Variants in TMEM178B observed in about 807,000 individuals in gnomAD.
TMEM178B encodes transmembrane protein 178B.
TMEM178B carries 5 observed loss-of-function variants against 31.0 expected under a neutral mutation model. That is an observed-to-expected ratio of 0.16 (90% CI 0.08 to 0.34). TMEM178B has a LOEUF of 0.34. TMEM178B is among the 10% of genes least tolerant of loss of function. The pLI is 1.00. For missense variants in TMEM178B, 275 were observed against 400.3 expected (o/e 0.69, Z 2.67); for synonymous variants, 164 against 164.0 (o/e 1.00, Z 0.00).
intron 2 of TMEM178B, among the ~76,000 whole-genome samples, chr7:141,423,520 G>A (rs1223477205): frequency 6.6e-6 from 1 of 152,160 alleles, no homozygotes; most frequent in Non-Finnish European, 1.5e-5. Context: ...TACCATATTA[G>A]ACTCTTCAGC....
intron 1 of TMEM178B, among the ~76,000 whole-genome samples, chr7:141,096,445 G>T (rs1794962024): frequency 6.6e-6 from 1 of 152,216 alleles, no homozygotes; most frequent in Non-Finnish European, 1.5e-5. Context: ...TAGAAGGCAA[G>T]GACTGAAGAT....
rs1272178352 is a variant in TMEM178B at position 141,477,438 on chromosome 7, T to C, written c.*6652T>C. On this transcript the variant is annotated 3_prime_UTR_variant, in exon 4 of 4. Transcript: ENST00000565468. The stretch of plus-strand genomic sequence containing the variant: ...ACACAGGAGGTTTTTTTCTGGTTGT[T>C]TCTCTCACAGTCATCAGTGTCTGCT... 1 of 152,208 alleles carries C rather than the reference T, an allele frequency of 6.6e-6. No individual in the cohort carries two copies. The highest frequency in any genetic ancestry group is 2.4e-5 in the African/African-American group (1 of 41,422). The allele number at this position is 152,208 out of a possible 1,614,324, so 9.4% of individuals were successfully genotyped here.
At chr7:141,168,254 G>A (rs148008815) in intron 1 of TMEM178B, among the ~76,000 whole-genome samples, 48 of 152,160 alleles carry the variant, frequency 3.2e-4, no homozygotes, top group Non-Finnish European at 5.6e-4. Flanking sequence ...TGGTTGGCTC[G>A]TGGCTTCAAG....
intron 3 of TMEM178B, among the ~76,000 whole-genome samples, chr7:141,444,640 A>G (rs1348605652): frequency 6.6e-6 from 1 of 152,224 alleles, no homozygotes; most frequent in African/African-American, 2.4e-5. Flanking sequence ...AAGGGACTTT[A>G]GAGACCAACC....
At chr7:141,306,055 T>C (rs1191154750) in intron 2 of TMEM178B, among the ~76,000 whole-genome samples, 2 of 152,204 alleles carry the variant, frequency 1.3e-5, no homozygotes, top group African/African-American at 4.8e-5. Flanking sequence ...GCATCCGGCA[T>C]GTGCTTTATA....
chr7:141,141,483 T>C (rs79503957), intron 1 of TMEM178B, among the ~76,000 whole-genome samples: 2 of 152,300 alleles, frequency 1.3e-5, no homozygotes, highest in East Asian at 3.9e-4. Flanking sequence ...TTTTTTATTA[T>C]AGTACCCTGA....
chr7:141,074,772 G>A lies in TMEM178B; in HGVS notation c.382+80G>A. On this transcript the variant is annotated intron_variant, in intron 1 of 3. Coordinates refer to ENST00000565468, the MANE Select transcript of TMEM178B (RefSeq NM_001195278.2). This position sits in a 1 kb window ranked among gnomAD's most constrained non-coding sequence, Gnocchi z 5.1. ...CGCAGCCCCTCGCGTCTCCTTCCCA[G>A]GCCACAGGCTATCAGGTCTCTGGGT... 7.0e-7 allele frequency: 1 copy of A among 1,431,944 alleles called. No individual in the cohort carries two copies. The highest frequency in any genetic ancestry group is 9.1e-7 in the Non-Finnish European group (1 of 1,096,852). 88.7% of individuals were successfully genotyped at this position (1,431,944 alleles called of 1,614,324 possible). A position where few individuals can be genotyped will look rare whatever the true frequency, so the allele number is the denominator to read the frequency against.
At chr7:141,297,405 G>T (rs991242273) in intron 2 of TMEM178B, among the ~76,000 whole-genome samples, 1 of 151,968 alleles carries the variant, frequency 6.6e-6, no homozygotes, top group South Asian at 2.1e-4. Context: ...TGTGCACAAC[G>T]TGCAGGTCTG....
the TMEM178B span, among the ~76,000 whole-genome samples, chr7:141,510,685 CAA>C: frequency 6.8e-4 from 17 of 24,962 alleles, no homozygotes; most frequent in African/African-American, 9.9e-4. Flanking sequence ...AACTCCGTCT[CAA>C]AAAAAAAAAA....
intron 2 of TMEM178B, among the ~76,000 whole-genome samples, chr7:141,225,585 A>G (rs1797328867): frequency 1.3e-5 from 2 of 152,202 alleles, no homozygotes; most frequent in South Asian, 4.1e-4. Flanking sequence ...TTGCCTCAAC[A>G]AATGAGATTT....
intron 3 of TMEM178B, among the ~76,000 whole-genome samples, chr7:141,458,206 G>C (rs577515761): frequency 6.6e-6 from 1 of 152,200 alleles, no homozygotes; most frequent in East Asian, 1.9e-4. Flanking sequence ...TGCAACCTTC[G>C]TCTCCCGGGT....
At chr7:141,299,005 G>T (rs1197254508) in intron 2 of TMEM178B, among the ~76,000 whole-genome samples, 7 of 152,080 alleles carry the variant, frequency 4.6e-5, no homozygotes, top group Non-Finnish European at 1.0e-4. Flanking sequence ...GCAGGAGATG[G>T]GAGTAGAAGG....
At chr7:141,388,895 G>A (rs1197088769) in intron 2 of TMEM178B, among the ~76,000 whole-genome samples, 1 of 139,708 alleles carries the variant, frequency 7.2e-6, no homozygotes, top group Non-Finnish European at 1.6e-5. Context: ...ATTAAGGAAG[G>A]TGCAATGTTA....
intron 2 of TMEM178B, among the ~76,000 whole-genome samples, chr7:141,355,794 G>A (rs1382442118): frequency 6.6e-6 from 1 of 152,226 alleles, no homozygotes; most frequent in African/African-American, 2.4e-5. Context: ...TTTGAGGTAC[G>A]ATTGAACTCA....
At chr7:141,153,588 TATG>T (rs1796015202) in intron 1 of TMEM178B, among the ~76,000 whole-genome samples, 2 of 152,242 alleles carry the variant, frequency 1.3e-5, no homozygotes, top group Non-Finnish European at 2.9e-5. Context: ...ACTAGCAGAG[TATG>T]ATAATATTCA....
chr7:141,229,013 CTT>C (rs3035763), intron 2 of TMEM178B, among the ~76,000 whole-genome samples: 22,338 of 80,982 alleles, frequency 0.28, 2,491 homozygotes, highest in Non-Finnish European at 0.35. Context: ...TCAGTACTAT[CTT>C]TTTTTTTTTT....
intron 1 of TMEM178B, among the ~76,000 whole-genome samples, chr7:141,203,478 C>T (rs768183633): frequency 7.9e-5 from 12 of 152,188 alleles, no homozygotes; most frequent in Non-Finnish European, 1.8e-4. Flanking sequence ...AGGACATGGA[C>T]GATGTCCCTT....
chr7:141,288,709 C>T (rs1206962499), intron 2 of TMEM178B, among the ~76,000 whole-genome samples: 4 of 152,232 alleles, frequency 2.6e-5, no homozygotes, highest in Middle Eastern at 3.4e-3. Flanking sequence ...AGCTCCAGTG[C>T]GGTTGTCCGA....
At chr7:141,348,118 A>ATTTTG (rs1042794214) in intron 2 of TMEM178B, among the ~76,000 whole-genome samples, 1 of 152,038 alleles carries the variant, frequency 6.6e-6, no homozygotes, top group Non-Finnish European at 1.5e-5. Flanking sequence ...ATTTTACTTT[A>ATTTTG]TTTTGTTTTG....
Sources: allele counts gnomAD v4.1 joint callset (sites outside exome capture counted in the v4.1 genomes callset), GRCh38; gene constraint gnomAD v4.1.1; non-coding constraint Gnocchi (gnomAD v3.1); transcripts MANE v1.5; gene names NCBI Gene and HGNC (gene_info 2026-07-23, HGNC 2026-07-21).